The following CXCR5 variants were observed in gnomAD, a reference collection of about 807,000 sequenced individuals.
The protein encoded by CXCR5 is C-X-C chemokine receptor type 5.
A neutral mutation model predicts 5.6 loss-of-function variants in CXCR5; 3 were observed. The ratio of observed to expected loss-of-function variants is 0.54; its 90% CI spans 0.24 to 1.39. The LOEUF (loss-of-function observed/expected upper bound fraction) is 1.39, where lower values mean the gene tolerates loss of function less well. Among genes scored for constraint, CXCR5 ranks in the 40% most tolerant of loss-of-function variants. CXCR5 has a pLI of 0.16. For missense variants in CXCR5, 333 were observed against 494.6 expected (o/e 0.67, Z 3.10); for synonymous variants, 218 against 219.9 (o/e 0.99, Z 0.08).
At chr11:118,886,164 C>T (rs1000645241) in intron 1 of CXCR5, 9 of 356,956 alleles carry the variant, frequency 2.5e-5, no homozygotes, top group African/African-American at 1.7e-4. Context: ...ATTTGTGATG[C>T]AGTAAAGGTC....
At chr11:118,887,401 G>T in intron 1 of CXCR5, 1 of 985,478 alleles carries the variant, frequency 1.0e-6, no homozygotes, top group Non-Finnish European at 1.2e-6. Flanking sequence ...TGTATCCAAA[G>T]GGCAAAGAGA....
In CXCR5 at chr11:118,894,992, C is replaced by T. The variant is rs2137662007; in HGVS notation, c.*329C>T. On this transcript the variant is annotated 3_prime_UTR_variant, in exon 2 of 2. Transcript: ENST00000292174. This position sits in a 1 kb window ranked among gnomAD's most constrained non-coding sequence, Gnocchi z 6.1. ...TCATCCAATGCTCAAGAAACAACTT[C>T]TACTTCTGCCCTTGCCAACGGAGAG... 1 of 269,926 alleles carries T rather than the reference C, an allele frequency of 3.7e-6. No individual in the cohort carries two copies. Among genetic ancestry groups the T allele is most frequent in the African/African-American group, 2.2e-5 (1 of 45,124 alleles). The allele number at this position is 269,926 out of a possible 1,614,324, so 16.7% of individuals were successfully genotyped here. A position where few individuals can be genotyped will look rare whatever the true frequency, so the allele number is the denominator to read the frequency against.
At position 118,897,751 on chromosome 11, in the gene CXCR5, TTTA is replaced by T. The variant is rs1356381449; in HGVS notation, c.*3090_*3092del. On this transcript the variant is annotated 3_prime_UTR_variant, in exon 2 of 2. Transcript: ENST00000292174. Reference sequence around the variant, plus strand: ...CTTGAAGAAGGGGGGAAGGGTTTCTTTTATCCTTTTTTTTTTGTGTGACTTCTA... The same window carrying T: ...CTTGAAGAAGGGGGGAAGGGTTTCTTTCCTTTTTTTTTTGTGTGACTTCTA... 1.4e-5 allele frequency: 6 copies of T among 437,728 alleles called. No individual in the cohort carries two copies. The Admixed American group carries it at 1.6e-4, about 11-fold the overall frequency. 27.1% of individuals were successfully genotyped at this position (437,728 alleles called of 1,614,324 possible).
intron 1 of CXCR5, among the ~76,000 whole-genome samples, chr11:118,884,613 G>C (rs1187918703): frequency 6.6e-6 from 1 of 152,238 alleles, no homozygotes; most frequent in Non-Finnish European, 1.5e-5. Context: ...GATCCCAGCA[G>C]GCTGGAGTCA....
chr11:118,892,743 T>C (rs1408041059), intron 1 of CXCR5, among the ~76,000 whole-genome samples: 1 of 152,000 alleles, frequency 6.6e-6, no homozygotes, highest in Admixed American at 6.5e-5. Context: ...GCACACCCCC[T>C]GCACTTGGAG....
intron 1 of CXCR5, chr11:118,886,479 T>C (rs915398237): frequency 4.1e-6 from 1 of 244,482 alleles, no homozygotes; most frequent in African/African-American, 3.1e-5. Flanking sequence ...AGGCAGGGGC[T>C]GGGGGGTGGG....
rs758358693 is a variant in CXCR5, at chr11:118,893,546, G to A, written c.52-50G>A. 5 of 1,517,666 alleles carry A rather than the reference G, an allele frequency of 3.3e-6. No homozygotes were observed. In the South Asian group the frequency reaches 6.6e-5, roughly 20 times the overall value. The allele number at this position is 1,517,666 out of a possible 1,614,324, so 94.0% of individuals were successfully genotyped here. ...AGAGAGCTAGGGTTCCTCTCAGAGA[G>A]GAAAGACAGGTCCTTAGGTCCTCAC... On this transcript the variant is annotated intron_variant, in intron 1 of 1. Coordinates refer to ENST00000292174, the MANE Select transcript of CXCR5 (RefSeq NM_001716.5). This position sits in a 1 kb window ranked among gnomAD's most constrained non-coding sequence, Gnocchi z 5.7.
intron 1 of CXCR5, among the ~76,000 whole-genome samples, chr11:118,889,846 C>T (rs1459498890): frequency 6.6e-6 from 1 of 152,174 alleles, no homozygotes; most frequent in Non-Finnish European, 1.5e-5. Flanking sequence ...ACTGCATTGA[C>T]TTTAGATGAG....
rs1170900818 is a variant in CXCR5, at chr11:118,894,763, TAA to T, written c.*101_*102del. On this transcript the variant is annotated 3_prime_UTR_variant, in exon 2 of 2. Transcript: ENST00000292174. The surrounding 1 kb of genome is among the most constrained non-coding windows in gnomAD (Gnocchi z 6.1). The stretch of plus-strand genomic sequence containing the variant: ...TGGGATCCTAAGGGCTCACCGTGGC[TAA>T]GAGTGTCCTAGGAGTATCCTCATTT... 4 of 1,241,438 alleles carry T rather than the reference TAA, an allele frequency of 3.2e-6. No homozygotes were observed. The highest frequency in any genetic ancestry group is 2.9e-4 in the Middle Eastern group (1 of 3,460). 76.9% of individuals were successfully genotyped at this position (1,241,438 alleles called of 1,614,324 possible).
In CXCR5 at chr11:118,893,424, G is replaced by A. The variant is rs146064110; in HGVS notation, c.52-172G>A. 5.4e-4 allele frequency: 533 copies of A among 985,418 alleles called. 1 individual carries two copies. The highest frequency in any genetic ancestry group is 3.5e-3 in the African/African-American group (202 of 57,338). 61.0% of individuals were successfully genotyped at this position (985,418 alleles called of 1,614,324 possible). Reference sequence around the variant, plus strand: ...AAGGAATGCGGTCCCTTTGACAGGCGAAAAACTGAAGTTGGAAAAGACAAA... The same window carrying A: ...AAGGAATGCGGTCCCTTTGACAGGCAAAAAACTGAAGTTGGAAAAGACAAA... On this transcript the variant is annotated intron_variant, in intron 1 of 1. Transcript: ENST00000292174. The surrounding 1 kb of genome is among the most constrained non-coding windows in gnomAD (Gnocchi z 5.7).
intron 1 of CXCR5, among the ~76,000 whole-genome samples, chr11:118,890,856 T>G (rs747938224): frequency 1.6e-4 from 24 of 152,216 alleles, no homozygotes; most frequent in Admixed American, 4.6e-4. Flanking sequence ...CACTCCCCAC[T>G]CCAGGGGAAC....
At chr11:118,891,277 C>G (rs1316484244) in intron 1 of CXCR5, among the ~76,000 whole-genome samples, 1 of 151,994 alleles carries the variant, frequency 6.6e-6, no homozygotes, top group Non-Finnish European at 1.5e-5. Context: ...TGCTGGGAGC[C>G]ACTGTGCCCA....
chr11:118,891,070 A>G (rs1236678086), intron 1 of CXCR5, among the ~76,000 whole-genome samples: 1 of 152,174 alleles, frequency 6.6e-6, no homozygotes, highest in Admixed American at 6.5e-5. Context: ...GCAAGACACT[A>G]TCTATCAAAA....
chr11:118,887,560 C>T, intron 1 of CXCR5: 2 of 421,220 alleles, frequency 4.7e-6, no homozygotes, highest in Non-Finnish European at 6.4e-6. Flanking sequence ...AGGAGTCTCA[C>T]AGACTTGTCC....
chr11:118,887,634 T>C (rs1939735087), intron 1 of CXCR5: 1 of 163,102 alleles, frequency 6.1e-6, no homozygotes, highest in Non-Finnish European at 1.3e-5. Flanking sequence ...CAGATGGTCT[T>C]TAGGGGCTGT....
chr11:118,892,990 T>C (rs1343474900), intron 1 of CXCR5, among the ~76,000 whole-genome samples: 1 of 152,180 alleles, frequency 6.6e-6, no homozygotes, highest in African/African-American at 2.4e-5. Flanking sequence ...ACCTGATCTT[T>C]AGCAAGACAC....
chr11:118,888,760 G>T (rs1939760438), intron 1 of CXCR5, among the ~76,000 whole-genome samples: 1 of 152,190 alleles, frequency 6.6e-6, no homozygotes, highest in Non-Finnish European at 1.5e-5. Flanking sequence ...TGGTTAGGTT[G>T]GACCCATGGT....
In CXCR5 at chr11:118,893,283, C is replaced by T. The variant is rs1591967392; in HGVS notation, c.52-313C>T. On this transcript the variant is annotated intron_variant, in intron 1 of 1. Coordinates refer to ENST00000292174, the MANE Select transcript of CXCR5 (RefSeq NM_001716.5). The surrounding 1 kb of genome is among the most constrained non-coding windows in gnomAD (Gnocchi z 5.7). ...AGTCCTGTGACTCCAGCCGCCAAGG[C>T]TGCAGGCTTCCGTACATGAGGACCC... The T allele has an allele frequency of 3.5e-6, 2 of 566,980 alleles. No individual in the cohort carries two copies. The highest frequency in any genetic ancestry group is 4.5e-6 in the Non-Finnish European group (2 of 448,500). The allele number at this position is 566,980 out of a possible 1,614,324, so 35.1% of individuals were successfully genotyped here.
At chr11:118,891,871 CAAAAA>C (rs754547926) in intron 1 of CXCR5, among the ~76,000 whole-genome samples, 1 of 34,614 alleles carries the variant, frequency 2.9e-5, no homozygotes, top group African/African-American at 8.7e-5. Flanking sequence ...AACTCCCCCT[CAAAAA>C]AAAAAAAAAA....
Sources: gnomAD v4.1 joint callset for allele counts (sites outside exome capture counted in the v4.1 genomes callset) on GRCh38, gnomAD v4.1.1 for gene constraint, Gnocchi (gnomAD v3.1) non-coding constraint, MANE v1.5 for transcripts, NCBI Gene and HGNC (gene_info 2026-07-23, HGNC 2026-07-21) for gene names.